ARMC1: variants seen among roughly 807,000 people sequenced by gnomAD.
ARMC1 encodes the protein armadillo repeat containing 1.
ARMC1 carries 16 observed loss-of-function variants against 31.4 expected under a neutral mutation model. The ratio of observed to expected loss-of-function variants is 0.51; its 90% CI spans 0.34 to 0.77. The LOEUF (loss-of-function observed/expected upper bound fraction) is 0.77, where lower values mean the gene tolerates loss of function less well. Ranked by LOEUF, ARMC1 falls within the 30% of genes least tolerant of loss-of-function variation. The pLI is 0.01. For synonymous variants in ARMC1, 114 were observed against 118.9 expected, an observed-to-expected ratio of 0.96 and a Z score of 0.27; for missense variants, 259 against 347.5, an observed-to-expected ratio of 0.75 and a Z score of 2.02.
In ARMC1 at chr8:65,615,614, G is replaced by A. The variant is rs147589733; in HGVS notation, c.276-2181C>T. ...CCCAGCTACTCAGGGGGCTGAGGCA[G>A]GAGAATCACTTGGACCTGGGAGATG... On this transcript the variant is annotated intron_variant, in intron 3 of 6. Transcript: ENST00000276569. Among the ~76,000 whole-genome samples, 526 of 152,236 alleles carry A rather than the reference G, an allele frequency of 3.5e-3. 4 individuals carry two copies. Among genetic ancestry groups the A allele is most frequent in the African/African-American group, 0.011 (461 of 41,536 alleles).
chr8:65,615,805 G>A (rs1342773645), intron 3 of ARMC1, among the ~76,000 whole-genome samples: 1 of 152,088 alleles, frequency 6.6e-6, no homozygotes, highest in Admixed American at 6.6e-5. Flanking sequence ...GGAGGCAGGA[G>A]AATCACTTGA....
At chr8:65,633,875 T>C (rs1330084476) in intron 1 of ARMC1, 123 bp downstream of exon 1, 2 of 152,330 alleles carry the variant, frequency 1.3e-5, no homozygotes, top group Non-Finnish European at 2.9e-5. Context: ...GACCCACTAC[T>C]GGATCTGACA....
At chr8:65,628,747 C>A (rs1431221931) in intron 1 of ARMC1, among the ~76,000 whole-genome samples, 1 of 151,370 alleles carries the variant, frequency 6.6e-6, no homozygotes, top group Admixed American at 6.6e-5. Flanking sequence ...ATCCTAGCTA[C>A]TCGGGAGGCT....
At chr8:65,620,231 G>A (rs1420805384) in intron 3 of ARMC1, among the ~76,000 whole-genome samples, 1 of 150,580 alleles carries the variant, frequency 6.6e-6, no homozygotes, top group Admixed American at 6.6e-5. Context: ...CTAAACACTT[G>A]GAATATGGCA....
chr8:65,612,404 T>C (rs1046814131), intron 4 of ARMC1, among the ~76,000 whole-genome samples: 1 of 151,472 alleles, frequency 6.6e-6, no homozygotes, highest in Non-Finnish European at 1.5e-5. Context: ...TGCAGTAGAC[T>C]ATGATTGTGC....
intron 4 of ARMC1, 60 bp downstream of exon 4, chr8:65,613,184 G>C: frequency 7.6e-7 from 1 of 1,315,692 alleles, no homozygotes; most frequent in Non-Finnish European, 1.0e-6. Flanking sequence ...CTGTTAGCAA[G>C]TGGCACTGAA....
chr8:65,627,466 C>T (rs902681511), intron 1 of ARMC1, 33 bp from the exon 2 acceptor site: 7 of 1,326,342 alleles, frequency 5.3e-6, no homozygotes, highest in Non-Finnish European at 7.1e-6. Context: ...TAGTTCTAGG[C>T]TGCTGAGGTA....
At chr8:65,624,780 TG>T (rs148668785) in intron 2 of ARMC1, among the ~76,000 whole-genome samples, 4,189 of 151,984 alleles carry the variant, frequency 0.028, 127 homozygotes, top group African/African-American at 0.078. Context: ...AAAACAAAAG[TG>T]TATACTAATA....
chr8:65,612,203 T>A (rs376487466), intron 4 of ARMC1, among the ~76,000 whole-genome samples: 7 of 152,244 alleles, frequency 4.6e-5, no homozygotes, highest in Admixed American at 3.3e-4. Flanking sequence ...GGTTCATGCC[T>A]GTAATCCGAG....
intron 2 of ARMC1, 102 bp from the exon 3 acceptor site, chr8:65,622,456 T>C: frequency 1.1e-6 from 1 of 892,180 alleles, no homozygotes; most frequent in Non-Finnish European, 1.7e-6. Context: ...GAAAATAGGT[T>C]TTTGTTTTTA....
intron 4 of ARMC1, among the ~76,000 whole-genome samples, chr8:65,609,842 A>T (rs1808085590): frequency 7.3e-6 from 1 of 137,750 alleles, no homozygotes; most frequent in Non-Finnish European, 1.5e-5. Flanking sequence ...TGGGGGACAG[A>T]GCAAGACTCT....
intron 3 of ARMC1, among the ~76,000 whole-genome samples, chr8:65,615,430 TAC>T (rs1808228815): frequency 1.4e-5 from 2 of 145,832 alleles, no homozygotes; most frequent in Non-Finnish European, 3.0e-5. Flanking sequence ...CAGGGCCGGG[TAC>T]AGTGGCTCAT....
At chr8:65,628,489 T>C (rs1808564217) in intron 1 of ARMC1, among the ~76,000 whole-genome samples, 1 of 145,732 alleles carries the variant, frequency 6.9e-6, no homozygotes, top group Non-Finnish European at 1.5e-5. Context: ...TTAAATGATC[T>C]GCCCGCCTTG....
intron 4 of ARMC1, among the ~76,000 whole-genome samples, chr8:65,606,735 C>G (rs1366454088): frequency 6.6e-6 from 1 of 152,190 alleles, no homozygotes; most frequent in African/African-American, 2.4e-5. Context: ...AGTTCCTAAA[C>G]TGATTTTCTT....
intron 2 of ARMC1, among the ~76,000 whole-genome samples, chr8:65,623,860 C>A (rs1162508151): frequency 8.7e-6 from 1 of 115,502 alleles, no homozygotes; most frequent in African/African-American, 3.4e-5. Flanking sequence ...TGAAGTGGCA[C>A]AAACTCGGCC....
intron 2 of ARMC1, among the ~76,000 whole-genome samples, chr8:65,622,963 G>A (rs1220361818): frequency 1.4e-5 from 2 of 147,940 alleles, no homozygotes; most frequent in Non-Finnish European, 3.0e-5. Context: ...CTGAGATCAC[G>A]CCACTGCACT....
At position 65,604,282 on chromosome 8, in the gene ARMC1, A is replaced by C. The variant is rs1807953441; in HGVS notation, c.*112T>G. The C allele has an allele frequency of 2.0e-6, 2 of 989,762 alleles. No individual in the cohort carries two copies. The highest frequency in any genetic ancestry group is 3.0e-6 in the Non-Finnish European group (2 of 667,572). The allele number at this position is 989,762 out of a possible 1,614,324, so 61.3% of individuals were successfully genotyped here. On this transcript the variant is annotated 3_prime_UTR_variant, in exon 7 of 7. Transcript: ENST00000276569. ...TGAAATGCAGCATATGCGATCGTGT[A>C]ATCTAAAAACTTTTCATGATAACTT...
At position 65,602,839 on chromosome 8, in the gene ARMC1, T is replaced by TG. The variant is rs1807921764; in HGVS notation, c.*1554_*1555insC. ...TTGTTGCTTTTTTTGTTTTTTTTTT[T>TG]TCAGTTTGTGCGTGTCACTTGAATC... is the stretch of plus-strand genomic sequence containing the variant. On this transcript the variant is annotated 3_prime_UTR_variant, in exon 7 of 7. Coordinates refer to ENST00000276569, the MANE Select transcript of ARMC1 (RefSeq NM_018120.6). The TG allele has an allele frequency of 6.6e-6, 1 of 151,864 alleles. No individual in the cohort carries two copies. The highest frequency in any genetic ancestry group is 1.5e-5 in the Non-Finnish European group (1 of 67,924). The allele number at this position is 151,864 out of a possible 1,614,324, so 9.4% of individuals were successfully genotyped here. A position where few individuals can be genotyped will look rare whatever the true frequency, so the allele number is the denominator to read the frequency against.
chr8:65,627,456 T>A, intron 1 of ARMC1, 23 bp from the exon 2 acceptor site: 1 of 1,421,320 alleles, frequency 7.0e-7, no homozygotes, highest in Non-Finnish European at 9.4e-7. Context: ...TTTGCAGAAT[T>A]AGTTCTAGGC....
Sources: gnomAD v4.1 joint callset for allele counts (sites outside exome capture counted in the v4.1 genomes callset) on GRCh38, gnomAD v4.1.1 for gene constraint, MANE v1.5 for transcripts, NCBI Gene and HGNC (gene_info 2026-07-23, HGNC 2026-07-21) for gene names.